IQSEC1: variants seen among roughly 807,000 people sequenced by gnomAD.
IQSEC1 encodes IQ motif and Sec7 domain ArfGEF 1.
In IQSEC1, 31 loss-of-function variants were observed where a neutral mutation model predicts 91.0. That is an observed-to-expected ratio of 0.34 (90% CI 0.26 to 0.46). The LOEUF (loss-of-function observed/expected upper bound fraction) is 0.46. Among genes scored for constraint, IQSEC1 ranks in the 20% least tolerant of loss-of-function variants. The pLI is 1.00. For missense variants in IQSEC1, 1,388 were observed against 1,575.6 expected (o/e 0.88, Z 2.02); for synonymous variants, 699 against 662.6 (o/e 1.05, Z -0.84).
At chr3:13,110,890 G>GA (rs1353284726) in intron 2 of IQSEC1, among the ~76,000 whole-genome samples, 1 of 152,206 alleles carries the variant, frequency 6.6e-6, no homozygotes, top group African/African-American at 2.4e-5. Context: ...GCTTACCCAG[G>GA]AAACAGACAG....
At chr3:13,108,082 C>T (rs1256084140) in intron 2 of IQSEC1, among the ~76,000 whole-genome samples, 2 of 152,250 alleles carry the variant, frequency 1.3e-5, no homozygotes, top group Admixed American at 1.3e-4. Context: ...CTGGAACCCA[C>T]CAGTCTACCT....
chr3:12,936,273 C>A lies in IQSEC1; in HGVS notation c.743G>T (p.Ser248Ile). The A allele has an allele frequency of 6.2e-7, 1 of 1,613,344 alleles. No individual in the cohort carries two copies. The change falls in exon 3 of 14, where the codon AGC becomes ATC. Residue 248 changes from serine (S) to isoleucine (I), a missense_variant. By Grantham distance (142) the Ser-to-Ile change is moderately radical. This residue lies in a region of IQSEC1 where 1,059 missense variants were observed against 1,317.8 expected (regional missense o/e 0.80). Coordinates refer to ENST00000613206, the MANE Select transcript of IQSEC1 (RefSeq NM_001134382.3). ...ESIDDALNCR[S>I]LHTEEAPALD... The stretch of plus-strand genomic sequence containing the variant: ...GGCCGGTGCCTCCTCAGTGTGCAGG[C>A]TGCGGCAGTTGAGGGCATCGTCGAT...
intron 1 of IQSEC1, among the ~76,000 whole-genome samples, chr3:13,035,462 A>C (rs1487008795): frequency 1.3e-5 from 2 of 152,154 alleles, no homozygotes; most frequent in Non-Finnish European, 2.9e-5. Context: ...CCCCCAGCTG[A>C]AATGATTGCC....
intron 1 of IQSEC1, among the ~76,000 whole-genome samples, chr3:13,265,447 G>A (rs1053181810): frequency 6.6e-6 from 1 of 152,254 alleles, no homozygotes; most frequent in Non-Finnish European, 1.5e-5. Context: ...ATGAAGCACA[G>A]CTGCAAAATC....
intron 1 of IQSEC1, among the ~76,000 whole-genome samples, chr3:12,975,205 G>T (rs1291075704): frequency 2.0e-5 from 3 of 152,224 alleles, no homozygotes; most frequent in Admixed American, 6.5e-5. Context: ...ACCTTGTACG[G>T]GGGCAAAAGT....
intron 2 of IQSEC1, among the ~76,000 whole-genome samples, chr3:13,081,444 T>C (rs1166849139): frequency 3.9e-5 from 6 of 152,000 alleles, no homozygotes; most frequent in African/African-American, 1.5e-4. Context: ...AATTTTTAAA[T>C]CGTTTATAGA....
At chr3:13,041,462 T>C (rs1167185116) in intron 1 of IQSEC1, among the ~76,000 whole-genome samples, 1 of 152,218 alleles carries the variant, frequency 6.6e-6, no homozygotes, top group Admixed American at 6.5e-5. Flanking sequence ...CGTATGCTAA[T>C]GGCCGCAGAC....
At chr3:13,016,154 C>T (rs1245492891) in intron 1 of IQSEC1, among the ~76,000 whole-genome samples, 1 of 152,228 alleles carries the variant, frequency 6.6e-6, no homozygotes, top group Admixed American at 6.5e-5. Context: ...CAGGGCCCCC[C>T]ACATCCCCCA....
intron 1 of IQSEC1, among the ~76,000 whole-genome samples, chr3:13,241,885 G>T (rs866622249): frequency 6.6e-6 from 1 of 152,260 alleles, no homozygotes; most frequent in Non-Finnish European, 1.5e-5. Context: ...GGAACGGGAA[G>T]ATGAAGATCA....
intron 2 of IQSEC1, among the ~76,000 whole-genome samples, chr3:13,145,294 G>A (rs1268681676): frequency 6.6e-6 from 1 of 152,106 alleles, no homozygotes; most frequent in Non-Finnish European, 1.5e-5. Flanking sequence ...CTTGGCTGGT[G>A]GCTCACTACT....
At chr3:13,049,796 G>A (rs1428584982) in intron 1 of IQSEC1, among the ~76,000 whole-genome samples, 1 of 152,124 alleles carries the variant, frequency 6.6e-6, no homozygotes, top group African/African-American at 2.4e-5. Flanking sequence ...ACACTTCACA[G>A]GTATTAACTC....
intron 2 of IQSEC1, among the ~76,000 whole-genome samples, chr3:13,157,048 G>A (rs544008263): frequency 6.6e-6 from 1 of 152,340 alleles, no homozygotes; most frequent in South Asian, 2.1e-4. Context: ...TTTGACCAAG[G>A]TCATTCAGCT....
chr3:13,218,157 G>A (rs1414970491), intron 1 of IQSEC1, among the ~76,000 whole-genome samples: 1 of 152,214 alleles, frequency 6.6e-6, no homozygotes, highest in Non-Finnish European at 1.5e-5. Context: ...GGTGGGAGCA[G>A]GAGTGACCTA....
At chr3:13,158,835 G>A (rs888094585) in intron 2 of IQSEC1, among the ~76,000 whole-genome samples, 2 of 152,016 alleles carry the variant, frequency 1.3e-5, no homozygotes, top group Non-Finnish European at 2.9e-5. Context: ...GGTGGTGTGC[G>A]CCTGTAGTCC....
In IQSEC1 at chr3:13,236,239, C is replaced by T. The variant is rs1455929982; in HGVS notation, c.272+46472G>A. 3.3e-5 allele frequency among the ~76,000 whole-genome samples: 5 copies of T among 152,120 alleles called. No individual in the cohort carries two copies. The East Asian group carries it at 7.7e-4, about 23-fold the overall frequency. On this transcript the variant is annotated intron_variant, in intron 1 of 15. Coordinates refer to the IQSEC1 transcript ENST00000648114. Reference sequence around the variant, plus strand: ...GCCTGCACTCAGGTGGGCGTGTGCCCTCCAACCCTCCAAGGCCAATGTCAG... The same window carrying T: ...GCCTGCACTCAGGTGGGCGTGTGCCTTCCAACCCTCCAAGGCCAATGTCAG...
At chr3:12,966,763 G>T (rs1700598633) in intron 1 of IQSEC1, among the ~76,000 whole-genome samples, 1 of 152,172 alleles carries the variant, frequency 6.6e-6, no homozygotes, top group Admixed American at 6.5e-5. Context: ...CCTGCCAGGG[G>T]CAGAGTACCC....
rs769936189 is a variant in IQSEC1 at position 12,913,527 on chromosome 3, C to A, written c.2217G>T (p.Leu739Phe). Residue 739 changes from leucine (L) to phenylalanine (F), a missense_variant, in exon 9 of 14, where the codon TTG (leucine) becomes TTT (phenylalanine). Transcript: ENST00000613206. ...CCTCAAAGAGCCGGCAGTAGCAGAC[C>A]AACCGACGGTGGGGCAGAGAGAGCA... ...GCVLSLPHRR[L>F]VCYCRLFEVP... 2 of 1,606,348 alleles carry A rather than the reference C, an allele frequency of 1.2e-6. No homozygotes were observed.
rs762017229 is a variant in IQSEC1 at position 12,913,501 on chromosome 3, A to G, written c.2243T>C (p.Val748Ala). The change falls in exon 9 of 14, where the codon GTT (valine) becomes GCT (alanine). Residue 748 changes from valine to alanine, a missense_variant. By Grantham distance (64) the Val-to-Ala change is moderately conservative (BLOSUM62 0). Around this residue, in one of 2 missense-constraint regions of IQSEC1, gnomAD observed 1,059 missense variants for 1,317.8 expected, o/e 0.80. Transcript: ENST00000613206. The part of the protein sequence containing the change: ...RLVCYCRLFE[V>A]PDPNKPQKLG... ...TTTCTGGGGCTTGTTTGGGTCTGGA[A>G]CCTCAAAGAGCCGGCAGTAGCAGAC... is the stretch of plus-strand genomic sequence containing the variant. The G allele has an allele frequency of 6.2e-7, 1 of 1,608,236 alleles. No individual in the cohort carries two copies. Among genetic ancestry groups the G allele is most frequent in the South Asian group, 1.1e-5 (1 of 90,904 alleles).
intron 13 of IQSEC1, 103 bp downstream of exon 13, chr3:12,902,661 AAAAAAAACC>A (rs1694466511): frequency 1.9e-6 from 1 of 522,488 alleles, no homozygotes. Context: ...AAAACAACAA[AAAAAAAACC>A]AAAAAAAAAA....
Sources: gnomAD v4.1 joint callset for allele counts (sites outside exome capture counted in the v4.1 genomes callset) on GRCh38, gnomAD v4.1.1 for gene constraint, gnomAD v4.1.1 regional missense constraint, MANE v1.5 for transcripts, NCBI Gene and HGNC (gene_info 2026-07-23, HGNC 2026-07-21) for gene names.